SRCAP: variants seen among roughly 807,000 people sequenced by gnomAD.
SRCAP encodes the protein chromatin remodeling protein SRCAP.
SRCAP carries 46 observed loss-of-function variants against 263.1 expected under a neutral mutation model. The ratio of observed to expected loss-of-function variants is 0.17; its 90% CI spans 0.14 to 0.22. The LOEUF (loss-of-function observed/expected upper bound fraction) is 0.22. SRCAP is among the 10% of genes least tolerant of loss of function. The probability of loss-of-function intolerance (pLI) is 1.00; values close to 1 mark genes in which losing one functional copy is unlikely to be tolerated. For missense variants in SRCAP, 3,695 were observed against 4,181.9 expected, an observed-to-expected ratio of 0.88 and a Z score of 3.21; for synonymous variants, 1,813 against 1,662.1, an observed-to-expected ratio of 1.09 and a Z score of -2.21.
intron 25 of SRCAP, among the ~76,000 whole-genome samples, 194 bp from the exon 26 acceptor site, chr16:30,728,772 A>G (rs1370239600): frequency 6.6e-6 from 1 of 152,192 alleles, no homozygotes; most frequent in Non-Finnish European, 1.5e-5. Flanking sequence ...GTTATTTAAC[A>G]TAAAAAAGAA....
chr16:30,733,540 C>T lies in SRCAP; in HGVS notation c.6298-62C>T. On this transcript the variant is annotated intron_variant, in intron 28 of 33. Coordinates refer to ENST00000262518, the MANE Select transcript of SRCAP (RefSeq NM_006662.3). This position sits in a 1 kb window ranked among gnomAD's most constrained non-coding sequence, Gnocchi z 5.3. ...GGCTTCCAGACGGGGTGCCACTAAG[C>T]CTTTAGACCTGTTTTGGGGGATAAG... is the stretch of plus-strand genomic sequence containing the variant. 6.2e-7 allele frequency: 1 copy of T among 1,603,586 alleles called. No individual in the cohort carries two copies. The highest frequency in any genetic ancestry group is 1.1e-5 in the South Asian group (1 of 89,776).
intron 33 of SRCAP, 102 bp downstream of exon 33, chr16:30,736,726 G>A (rs1324692728): frequency 1.6e-6 from 2 of 1,270,140 alleles, no homozygotes; most frequent in Admixed American, 4.2e-5. Flanking sequence ...AGGCTGGAGT[G>A]CAGTGGCACA....
chr16:30,720,356 A>G, intron 19 of SRCAP, 25 bp downstream of exon 19: 1 of 1,595,720 alleles, frequency 6.3e-7, no homozygotes, highest in South Asian at 1.1e-5. Context: ...GAATGAGGGG[A>G]TGGTTCCTAG....
intron 4 of SRCAP, among the ~76,000 whole-genome samples, chr16:30,704,883 T>C (rs571576463): frequency 6.6e-6 from 1 of 152,260 alleles, no homozygotes; most frequent in South Asian, 2.1e-4. Flanking sequence ...CTTTGTAAAC[T>C]GTGATGCTCT....
chr16:30,701,007 G>A (rs2052759753), intron 3 of SRCAP, 129 bp downstream of exon 3: 7 of 847,770 alleles, frequency 8.3e-6, no homozygotes, highest in Admixed American at 6.3e-5. Flanking sequence ...GGGCTGGGCT[G>A]TAGTATATCA....
intron 5 of SRCAP, 55 bp downstream of exon 5, chr16:30,707,423 G>A (rs1265128855): frequency 1.9e-5 from 31 of 1,602,684 alleles, no homozygotes; most frequent in Middle Eastern, 2.0e-4. Context: ...GTTCCTTCCC[G>A]GTTTGTTGGA....
chr16:30,727,342 A>G (rs78391602), intron 25 of SRCAP, among the ~76,000 whole-genome samples: 1 of 152,190 alleles, frequency 6.6e-6, no homozygotes, highest in Non-Finnish European at 1.5e-5. Flanking sequence ...ATTGAGTTGT[A>G]AGAGTTCTTT....
rs4408559 is a variant in SRCAP, at chr16:30,716,713, C to T, written c.2817+234C>T. ...CATCGTAAATTGAGGAGCATCTGGA[C>T]TTAGAATGATTCAGCTTACAATTTT... is the stretch of plus-strand genomic sequence containing the variant. On this transcript the variant is annotated intron_variant, in intron 18 of 33. Coordinates refer to ENST00000262518, the MANE Select transcript of SRCAP (RefSeq NM_006662.3). 8.0e-3 allele frequency among the ~76,000 whole-genome samples: 1,217 copies of T among 152,252 alleles called. 11 individuals carry two copies. Among genetic ancestry groups the T allele is most frequent in the Non-Finnish European group, 0.013 (866 of 68,022 alleles).
intron 4 of SRCAP, among the ~76,000 whole-genome samples, chr16:30,706,310 T>C (rs1227134554): frequency 2.0e-5 from 3 of 151,998 alleles, no homozygotes; most frequent in Non-Finnish European, 4.4e-5. Flanking sequence ...ACAAAAAAAT[T>C]AGCTGGGCAT....
At chr16:30,709,484 G>A (rs1294591267) in intron 6 of SRCAP, 29 bp from the exon 7 acceptor site, 1 of 1,610,816 alleles carries the variant, frequency 6.2e-7, no homozygotes, top group South Asian at 1.1e-5. Flanking sequence ...GGTTATCTTG[G>A]TGAGCAGTCC....
At chr16:30,719,499 G>A (rs2151292025) in intron 18 of SRCAP, among the ~76,000 whole-genome samples, 1 of 151,930 alleles carries the variant, frequency 6.6e-6, no homozygotes. Flanking sequence ...ACAGGCGTGA[G>A]CCACCGCACC....
rs1287662872 is a variant in SRCAP at position 30,720,278 on chromosome 16, T to A, written c.2934T>A (p.Ala978=). 1 of 1,614,168 alleles carries A rather than the reference T, an allele frequency of 6.2e-7. No homozygotes were observed. Among genetic ancestry groups the A allele is most frequent in the Admixed American group, 1.7e-5 (1 of 60,020 alleles). Residue 978 remains alanine (A), a synonymous_variant, in exon 19 of 34, where the codon GCT becomes GCA. Coordinates refer to ENST00000262518, the MANE Select transcript of SRCAP (RefSeq NM_006662.3). ...CTCGCCGGGTACTGTTAGAAGTGGC[T>A]ACTGCTCCTGACCCCCCACCCCGGC... ...RLSRRVLLEV[A]TAPDPPPRPK...
rs375163006 is a variant in SRCAP at position 30,725,036 on chromosome 16, G to A, written c.5612G>A (p.Arg1871Gln). ...PSTATSFGGP[R>Q]PRRQPPPPPR... Reference sequence around the variant, plus strand: ...ACTGCTACCTCGTTTGGTGGCCCCCGGCCTCGACGCCAGCCCCCCCCACCA... The same window carrying A: ...ACTGCTACCTCGTTTGGTGGCCCCCAGCCTCGACGCCAGCCCCCCCCACCA... Residue 1871 changes from arginine to glutamine, a missense_variant, in exon 25 of 34, where the codon CGG becomes CAG. Coordinates refer to ENST00000262518, the MANE Select transcript of SRCAP (RefSeq NM_006662.3). 3.9e-5 allele frequency: 63 copies of A among 1,612,614 alleles called. No individual in the cohort carries two copies. The highest frequency in any genetic ancestry group is 5.2e-5 in the Non-Finnish European group (61 of 1,179,326).
chr16:30,723,044 C>G lies in SRCAP; in HGVS notation c.3974C>G (p.Pro1325Arg), dbSNP rs199761892. 2 of 1,614,036 alleles carry G rather than the reference C, an allele frequency of 1.2e-6. No individual in the cohort carries two copies. The highest frequency in any genetic ancestry group is 2.2e-5 in the South Asian group (2 of 91,056). Residue 1325 changes from proline to arginine, a missense_variant, in exon 24 of 34, where the codon CCT becomes CGT. Coordinates refer to ENST00000262518, the MANE Select transcript of SRCAP (RefSeq NM_006662.3). Reference protein sequence around the residue: ...QAPRDGLTPVPPLAPAPRPPS... With the variant: ...QAPRDGLTPVRPLAPAPRPPS... ...CCTCGGGATGGACTGACTCCTGTTC[C>G]TCCATTGGCCCCAGCACCCCGGCCT... is the stretch of plus-strand genomic sequence containing the variant.
Position 30,739,679 on chromosome 16 carries a change from T to TC in SRCAP, c.9642dup (p.Ser3215LeufsTer8). On this transcript the variant is annotated frameshift_variant, in exon 34 of 34. Transcript: ENST00000262518. ...AGCGCATCCTGCGCAGCAGCGCCCC[T>TC]CCCTCCCTGGCTGGCCCTGCTGTTA... is the stretch of plus-strand genomic sequence containing the variant. The TC allele has an allele frequency of 6.4e-7, 1 of 1,554,064 alleles. No homozygotes were observed. The highest frequency in any genetic ancestry group is 1.2e-5 in the South Asian group (1 of 83,750).
At chr16:30,714,943 G>C (rs1596649741) in intron 16 of SRCAP, among the ~76,000 whole-genome samples, 2 of 151,688 alleles carry the variant, frequency 1.3e-5, no homozygotes, top group Non-Finnish European at 2.9e-5. Context: ...GGTCTTCTTT[G>C]GCTCTTCCTT....
chr16:30,715,549 A>C (rs1160500714), intron 16 of SRCAP, among the ~76,000 whole-genome samples: 1 of 150,382 alleles, frequency 6.6e-6, no homozygotes, highest in Non-Finnish European at 1.5e-5. Context: ...TGGGTGACAG[A>C]GCGCAACTTT....
intron 16 of SRCAP, 144 bp from the exon 17 acceptor site, chr16:30,715,922 T>C: frequency 1.9e-6 from 2 of 1,033,704 alleles, no homozygotes; most frequent in Non-Finnish European, 2.8e-6. Context: ...GCAGATCCCT[T>C]GAGGGCTTGC....
At position 30,738,828 on chromosome 16, in the gene SRCAP, C is replaced by G; in HGVS notation, c.8788C>G (p.Leu2930Val). Residue 2930 changes from leucine to valine, a missense_variant, in exon 34 of 34, where the codon CTC (leucine) becomes GTC (valine). Physicochemically the swap from Leu to Val is conservative, Grantham distance 32 (BLOSUM62 1). Coordinates refer to ENST00000262518, the MANE Select transcript of SRCAP (RefSeq NM_006662.3). The stretch of plus-strand genomic sequence containing the variant: ...CCAGCCAGTTCACAGACCCAATCCC[C>G]TCCTGTCACCTGTGGAGAAAAGAAG... ...GPQPVHRPNPLLSPVEKRRRG... is the reference protein window; with the variant it reads ...GPQPVHRPNPVLSPVEKRRRG... 1 of 1,614,132 alleles carries G rather than the reference C, an allele frequency of 6.2e-7. No individual in the cohort carries two copies. Among genetic ancestry groups the G allele is most frequent in the Non-Finnish European group, 8.5e-7 (1 of 1,180,004 alleles).
Sources: allele counts gnomAD v4.1 joint callset (sites outside exome capture counted in the v4.1 genomes callset), GRCh38; gene constraint gnomAD v4.1.1; non-coding constraint Gnocchi (gnomAD v3.1); transcripts MANE v1.5; gene names NCBI Gene and HGNC (gene_info 2026-07-23, HGNC 2026-07-21).